FGFR2: variants seen among roughly 807,000 people sequenced by gnomAD.
The protein encoded by FGFR2 is fibroblast growth factor receptor 2, also known as BEK fibroblast growth factor receptor.
In FGFR2, 19 loss-of-function variants were observed where a neutral mutation model predicts 95.9. The observed-to-expected ratio is 0.20, with a 90% CI of 0.14 to 0.29. The LOEUF is 0.29. Ranked by LOEUF, FGFR2 falls within the 10% of genes least tolerant of loss-of-function variation. FGFR2 has a pLI of 1.00. For synonymous variants in FGFR2, 392 were observed against 393.3 expected (o/e 1.00, Z 0.04); for missense variants, 707 against 1,056.9 (o/e 0.67, Z 4.59).
At position 121,485,122 on chromosome 10, in the gene FGFR2, C is replaced by T. The variant is rs1291470105; in HGVS notation, c.2195+273G>A. On this transcript the variant is annotated intron_variant, in intron 16 of 17. Coordinates refer to ENST00000358487, the MANE Select transcript of FGFR2 (RefSeq NM_000141.5). The surrounding 1 kb of genome is among the most constrained non-coding windows in gnomAD (Gnocchi z 4.2). ...GGCCCAGGAAGACCACTCCTGCTGGCTCTGCAAAGTCAGGAGCCCTCAGCC... is the reference window on the plus strand; with the variant it reads ...GGCCCAGGAAGACCACTCCTGCTGGTTCTGCAAAGTCAGGAGCCCTCAGCC... 6.6e-6 allele frequency among the ~76,000 whole-genome samples: 1 copy of T among 152,132 alleles called. No individual in the cohort carries two copies. Among genetic ancestry groups the T allele is most frequent in the Non-Finnish European group, 1.5e-5 (1 of 68,010 alleles).
rs1847528352 is a variant in FGFR2, at chr10:121,500,942, G to A, written c.1445C>T (p.Thr482Ile). 1.2e-6 allele frequency: 2 copies of A among 1,613,936 alleles called. No individual in the cohort carries two copies. Among genetic ancestry groups the A allele is most frequent in the Non-Finnish European group, 1.7e-6 (2 of 1,180,040 alleles). ...PKWEFPRDKL[T>I]LGKPLGEGCF... ...ACCTTCTCCCAGGGGCTTGCCCAGT[G>A]TCAGCCTAAATGTGTAAATAGGGGA... Residue 482 changes from threonine (T) to isoleucine (I), a missense_variant, in exon 11 of 18, where the codon ACA (threonine) becomes ATA (isoleucine). Physicochemically the swap from Thr to Ile is moderately conservative, Grantham distance 89. Coordinates refer to ENST00000358487, the MANE Select transcript of FGFR2 (RefSeq NM_000141.5).
chr10:121,480,366 G>A (rs2133694700), intron 17 of FGFR2: 1 of 422,530 alleles, frequency 2.4e-6, no homozygotes, highest in Non-Finnish European at 4.5e-6. Context: ...TGCTGGGCAG[G>A]CAACTCGGCT....
At chr10:121,549,383 G>A (rs1855039410) in intron 5 of FGFR2, among the ~76,000 whole-genome samples, 1 of 152,302 alleles carries the variant, frequency 6.6e-6, no homozygotes, top group African/African-American at 2.4e-5. Context: ...ACACCCCACT[G>A]CTGCTACTGA....
chr10:121,592,706 C>T (rs3135724), intron 2 of FGFR2, among the ~76,000 whole-genome samples: 29,884 of 152,044 alleles, frequency 0.2, 3,023 homozygotes, highest in East Asian at 0.28. Flanking sequence ...ATTCACCCCA[C>T]GCACGAGATG....
At chr10:121,552,349 T>C (rs1855531029) in intron 4 of FGFR2, among the ~76,000 whole-genome samples, 1 of 152,246 alleles carries the variant, frequency 6.6e-6, no homozygotes, top group Admixed American at 6.5e-5. Context: ...TACTACCGAC[T>C]GAAAGCTTCT....
intron 5 of FGFR2, among the ~76,000 whole-genome samples, chr10:121,544,827 A>G (rs1216484092): frequency 6.6e-6 from 1 of 152,224 alleles, no homozygotes; most frequent in Non-Finnish European, 1.5e-5. Flanking sequence ...TGTTATGCAT[A>G]TATTACCACA....
chr10:121,558,771 T>C (rs1298415247), intron 4 of FGFR2, among the ~76,000 whole-genome samples: 2 of 151,950 alleles, frequency 1.3e-5, no homozygotes, highest in Non-Finnish European at 2.9e-5. Flanking sequence ...TATATTTTAG[T>C]AGAGATGGAG....
intron 6 of FGFR2, among the ~76,000 whole-genome samples, chr10:121,522,550 C>T (rs758357697): frequency 3.3e-5 from 5 of 152,014 alleles, no homozygotes; most frequent in Admixed American, 6.6e-5. Context: ...AGTGAGACCC[C>T]GTCTTAGAAA....
At chr10:121,564,298 A>T (rs922702294) in intron 4 of FGFR2, 1 of 602,518 alleles carries the variant, frequency 1.7e-6, no homozygotes, top group Non-Finnish European at 3.0e-6. Context: ...GTGACACGAG[A>T]AGAAAGGACA....
intron 13 of FGFR2, among the ~76,000 whole-genome samples, chr10:121,493,105 G>A (rs1259093322): frequency 6.6e-6 from 1 of 152,032 alleles, no homozygotes; most frequent in Non-Finnish European, 1.5e-5. Context: ...CTTCCTCATC[G>A]TCCTCCCCCA....
chr10:121,589,177 C>T (rs1333942152), intron 2 of FGFR2, among the ~76,000 whole-genome samples: 1 of 152,184 alleles, frequency 6.6e-6, no homozygotes, highest in Admixed American at 6.5e-5. Context: ...AAATCAATTT[C>T]CCATGTTTTC....
At position 121,517,499 on chromosome 10, in the gene FGFR2, G is replaced by A. The variant is rs112692991; in HGVS notation, c.940-36C>T. On this transcript the variant is annotated intron_variant, in intron 7 of 17. Transcript: ENST00000358487. This position sits in a 1 kb window ranked among gnomAD's most constrained non-coding sequence, Gnocchi z 4.7. ...AGGGAAGCAAAAGAAAAGGCTAGAC[G>A]ACACAGGAATGATTGTGGAGGGGGC... 5.6e-4 allele frequency: 906 copies of A among 1,613,632 alleles called. 8 individuals carry two copies. In the African/African-American group the frequency reaches 0.011, roughly 19 times the overall value.
rs774538633 is a variant in FGFR2 at position 121,564,503 on chromosome 10, C to T, written c.453G>A (p.Lys151=). 1 of 1,613,780 alleles carries T rather than the reference C, an allele frequency of 6.2e-7. No individual in the cohort carries two copies. Among genetic ancestry groups the T allele is most frequent in the East Asian group, 2.2e-5 (1 of 44,866 alleles). ...EDFVSENSNN[K]RAPYWTNTEK... ...CATCGGAGCCGGGCAGTTACTTACT[C>T]TTGTTGTTACTGTTCTCACTGACAA... Residue 151 remains lysine (K), a splice_region_variant and synonymous_variant, in exon 4 of 18, where the codon AAG becomes AAA. Transcript: ENST00000358487.
At chr10:121,567,396 C>G (rs529720640) in intron 2 of FGFR2, among the ~76,000 whole-genome samples, 2 of 152,298 alleles carry the variant, frequency 1.3e-5, no homozygotes, top group South Asian at 4.1e-4. Flanking sequence ...ACAAATGCAC[C>G]CCAAAGCAAG....
chr10:121,536,688 G>C (rs1020406686), intron 6 of FGFR2, among the ~76,000 whole-genome samples: 2 of 152,186 alleles, frequency 1.3e-5, no homozygotes, highest in Non-Finnish European at 2.9e-5. Flanking sequence ...AGGGGCTTTT[G>C]AATGTTTTAC....
At chr10:121,545,467 G>A (rs534378693) in intron 5 of FGFR2, among the ~76,000 whole-genome samples, 2 of 152,222 alleles carry the variant, frequency 1.3e-5, no homozygotes, top group Non-Finnish European at 2.9e-5. Flanking sequence ...TCTTTGGGCT[G>A]TGGAAGGACT....
At chr10:121,482,067 G>A (rs1844804975) in intron 17 of FGFR2, 5 of 925,378 alleles carry the variant, frequency 5.4e-6, no homozygotes, top group Non-Finnish European at 5.2e-6. Context: ...TGGAACTCCT[G>A]ACCTCATGAT....
At chr10:121,496,078 G>A (rs553398661) in intron 13 of FGFR2, among the ~76,000 whole-genome samples, 12 of 151,694 alleles carry the variant, frequency 7.9e-5, no homozygotes, top group African/African-American at 2.7e-4. Context: ...ATACCCCTTT[G>A]TTTGACCTTT....
intron 17 of FGFR2, among the ~76,000 whole-genome samples, chr10:121,481,150 C>G (rs1844621926): frequency 6.6e-6 from 1 of 152,104 alleles, no homozygotes; most frequent in Non-Finnish European, 1.5e-5. Context: ...TTACAGAAAG[C>G]AGTTGCCGAC....
Sources: allele counts gnomAD v4.1 joint callset (sites outside exome capture counted in the v4.1 genomes callset), GRCh38; gene constraint gnomAD v4.1.1; non-coding constraint Gnocchi (gnomAD v3.1); transcripts MANE v1.5; gene names NCBI Gene and HGNC (gene_info 2026-07-23, HGNC 2026-07-21).